The following MAP2K5 variants were observed in gnomAD, a reference collection of about 807,000 sequenced individuals.
The protein encoded by MAP2K5 is dual specificity mitogen-activated protein kinase kinase 5.
MAP2K5 carries 49 observed loss-of-function variants against 83.1 expected under a neutral mutation model. That is an observed-to-expected ratio of 0.59 (90% CI 0.47 to 0.75). MAP2K5 has a LOEUF of 0.75. Ranked by LOEUF, MAP2K5 falls within the 30% of genes least tolerant of loss-of-function variation. The probability of loss-of-function intolerance (pLI) is 0.00; values close to 1 mark genes in which losing one functional copy is unlikely to be tolerated. For missense variants in MAP2K5, 457 were observed against 557.5 expected (o/e 0.82, Z 1.82); for synonymous variants, 202 against 191.8 (o/e 1.05, Z -0.44).
chr15:67,752,191 G>A (rs1454126494), intron 19 of MAP2K5, among the ~76,000 whole-genome samples: 3 of 151,728 alleles, frequency 2.0e-5, no homozygotes, highest in Non-Finnish European at 2.9e-5. Context: ...CCAGCCTCCC[G>A]AGTAGCTGGG....
At chr15:67,805,383 T>A (rs2090782815) in intron 21 of MAP2K5, among the ~76,000 whole-genome samples, 1 of 152,166 alleles carries the variant, frequency 6.6e-6, no homozygotes, top group South Asian at 2.1e-4. Flanking sequence ...CCAGGCCTGG[T>A]CCTTGACAGC....
chr15:67,696,876 G>A (rs1803571520), intron 15 of MAP2K5, among the ~76,000 whole-genome samples: 1 of 152,208 alleles, frequency 6.6e-6, no homozygotes, highest in Admixed American at 6.5e-5. Context: ...CTACTCAGGA[G>A]GCTGAGGCAG....
rs998535341 is a variant in MAP2K5 at position 67,577,868 on chromosome 15, T to G, written c.253-2886T>G. Among the ~76,000 whole-genome samples the G allele has an allele frequency of 1.3e-5, 2 of 151,922 alleles. No homozygotes were observed. The highest frequency in any genetic ancestry group is 2.9e-5 in the Non-Finnish European group (2 of 67,974). ...ATACAAAAATTAGCCGGGCCAGTGG[T>G]GGGTGCCTGTAATCCCAGCTACTTG... On this transcript the variant is annotated intron_variant, in intron 3 of 21. Transcript: ENST00000178640. The surrounding 1 kb of genome is among the most constrained non-coding windows in gnomAD (Gnocchi z 4.1).
At position 67,636,646 on chromosome 15, in the gene MAP2K5, C is replaced by T. The variant is rs2086609922; in HGVS notation, c.585+5719C>T. On this transcript the variant is annotated intron_variant, in intron 9 of 21. Transcript: ENST00000178640. The surrounding 1 kb of genome is among the most constrained non-coding windows in gnomAD (Gnocchi z 4.7). ...CTCTGCTTGAGCAGAGCAGCTATGC[C>T]TTATAATTTTTTATTGGATACCAGA... Among the ~76,000 whole-genome samples the T allele has an allele frequency of 6.6e-6, 1 of 151,742 alleles. No individual in the cohort carries two copies. The highest frequency in any genetic ancestry group is 1.5e-5 in the Non-Finnish European group (1 of 67,952).
intron 8 of MAP2K5, among the ~76,000 whole-genome samples, chr15:67,622,322 G>A (rs1267756288): frequency 1.3e-5 from 2 of 152,140 alleles, no homozygotes; most frequent in Non-Finnish European, 1.5e-5. Flanking sequence ...CCCCGAGGCA[G>A]GAGCACGTTT....
chr15:67,709,566 A>G (rs533228784), intron 16 of MAP2K5, among the ~76,000 whole-genome samples: 6 of 151,830 alleles, frequency 4.0e-5, no homozygotes, highest in South Asian at 4.2e-4. Flanking sequence ...TGATAGTTTT[A>G]TTAGGGGTGG....
chr15:67,692,635 C>A, intron 14 of MAP2K5, 83 bp downstream of exon 14: 3 of 1,029,292 alleles, frequency 2.9e-6, no homozygotes, highest in Admixed American at 2.0e-5. Flanking sequence ...ATTGAAAAAT[C>A]ACCTAGCTGC....
At position 67,592,928 on chromosome 15, in the gene MAP2K5, TAAA is replaced by T. The variant is rs770784611; in HGVS notation, c.435_437del (p.Lys147del). ...TAAAAATTATCTTTCCTTTTCAGCT[TAAA>T]GAAGTCTTCTGCTGAACTGAAAAAA... On this transcript the variant is annotated inframe_deletion, in exon 7 of 22. Transcript: ENST00000178640. 8.5e-5 allele frequency: 136 copies of T among 1,607,906 alleles called. No individual in the cohort carries two copies. The highest frequency in any genetic ancestry group is 1.0e-4 in the Non-Finnish European group (120 of 1,175,802).
rs2090698569 is a variant in MAP2K5, at chr15:67,801,111, TC to T, written c.1243-5533del. Among the ~76,000 whole-genome samples, 1 of 152,118 alleles carries T rather than the reference TC, an allele frequency of 6.6e-6. No homozygotes were observed. The highest frequency in any genetic ancestry group is 2.4e-5 in the African/African-American group (1 of 41,414). ...CGCTGGACTGTGAGATCCCATCTAG[TC>T]CTAACACTCCATTAGTGTGAGAAGG... On this transcript the variant is annotated intron_variant, in intron 21 of 21. Transcript: ENST00000178640. The surrounding 1 kb of genome is among the most constrained non-coding windows in gnomAD (Gnocchi z 4.8).
rs182683284 is a variant in MAP2K5 at position 67,769,774 on chromosome 15, G to A, written c.1196+111G>A. On this transcript the variant is annotated intron_variant, in intron 20 of 21. Transcript: ENST00000178640. This position sits in a 1 kb window ranked among gnomAD's most constrained non-coding sequence, Gnocchi z 5.2. Reference sequence around the variant, plus strand: ...CCCTGCATCCTTTTGGAGACAGGAGGGACTTCGGGGCCTTGGGCAGATGGG... The same window carrying A: ...CCCTGCATCCTTTTGGAGACAGGAGAGACTTCGGGGCCTTGGGCAGATGGG... 1,264 of 1,030,506 alleles carry A rather than the reference G, an allele frequency of 1.2e-3. 2 individuals are homozygous for A. Among genetic ancestry groups the A allele is most frequent in the Non-Finnish European group, 1.5e-3 (1,012 of 677,028 alleles). 63.8% of individuals were successfully genotyped at this position (1,030,506 alleles called of 1,614,324 possible).
chr15:67,648,815 G>A (rs1386647262), intron 11 of MAP2K5, among the ~76,000 whole-genome samples: 1 of 152,016 alleles, frequency 6.6e-6, no homozygotes, highest in Non-Finnish European at 1.5e-5. Flanking sequence ...TCCTGACCTC[G>A]TGATCTCCCC....
intron 17 of MAP2K5, among the ~76,000 whole-genome samples, chr15:67,739,692 G>A: frequency 6.6e-6 from 1 of 151,376 alleles, no homozygotes; most frequent in Admixed American, 6.6e-5. Flanking sequence ...TGTTGGGCAG[G>A]CTGATCTCAA....
chr15:67,745,049 C>T (rs1029236847), intron 17 of MAP2K5, among the ~76,000 whole-genome samples: 4 of 151,980 alleles, frequency 2.6e-5, no homozygotes, highest in African/African-American at 9.7e-5. Context: ...AAATCTATGC[C>T]CAGAAAAGGG....
chr15:67,563,263 C>T lies in MAP2K5; in HGVS notation c.185-20C>T. 6.2e-7 allele frequency: 1 copy of T among 1,605,096 alleles called. No individual in the cohort carries two copies. ...AAACAAATGCACACCTTATCATTTGCATTATGTGCTTTTAAACAGATGAAG... is the reference window on the plus strand; with the variant it reads ...AAACAAATGCACACCTTATCATTTGTATTATGTGCTTTTAAACAGATGAAG... On this transcript the variant is annotated intron_variant, in intron 2 of 21. Coordinates refer to ENST00000178640, the MANE Select transcript of MAP2K5 (RefSeq NM_145160.3). The surrounding 1 kb of genome is among the most constrained non-coding windows in gnomAD (Gnocchi z 4.5).
intron 4 of MAP2K5, among the ~76,000 whole-genome samples, chr15:67,582,980 C>A (rs1056947339): frequency 6.6e-6 from 1 of 152,102 alleles, no homozygotes; most frequent in Non-Finnish European, 1.5e-5. Context: ...CACTGTTCAT[C>A]GCATTATGCT....
intron 16 of MAP2K5, among the ~76,000 whole-genome samples, chr15:67,705,603 G>T (rs2088531377): frequency 6.6e-6 from 1 of 152,114 alleles, no homozygotes. Flanking sequence ...GGGTGTGGTG[G>T]TGTACACCTG....
intron 8 of MAP2K5, among the ~76,000 whole-genome samples, chr15:67,611,659 A>C (rs1055323562): frequency 1.2e-4 from 18 of 152,208 alleles, no homozygotes; most frequent in African/African-American, 4.1e-4. Flanking sequence ...AAATGGAAAC[A>C]CAGATAAATG....
chr15:67,597,028 G>T (rs1596621192), intron 7 of MAP2K5, among the ~76,000 whole-genome samples: 1 of 151,990 alleles, frequency 6.6e-6, no homozygotes, highest in Admixed American at 6.6e-5. Flanking sequence ...AATTAGCTGG[G>T]CATGGTGGTG....
chr15:67,554,176 CA>C (rs937328283), intron 2 of MAP2K5, among the ~76,000 whole-genome samples: 2 of 152,142 alleles, frequency 1.3e-5, no homozygotes, highest in African/African-American at 4.8e-5. Context: ...CCTCCCACCT[CA>C]GCCTCCTGAG....
Sources: gnomAD v4.1 joint callset for allele counts (sites outside exome capture counted in the v4.1 genomes callset) on GRCh38, gnomAD v4.1.1 for gene constraint, Gnocchi (gnomAD v3.1) non-coding constraint, MANE v1.5 for transcripts, NCBI Gene and HGNC (gene_info 2026-07-23, HGNC 2026-07-21) for gene names.